The following TCF12 variants were observed in gnomAD, a reference collection of about 807,000 sequenced individuals.
TCF12 encodes DNA-binding protein HTF4.
TCF12 carries 45 observed loss-of-function variants against 86.0 expected under a neutral mutation model. The ratio of observed to expected loss-of-function variants is 0.52; its 90% CI spans 0.41 to 0.67. The LOEUF is 0.67. Ranked by LOEUF, TCF12 falls within the 30% of genes least tolerant of loss-of-function variation. TCF12 has a pLI of 0.00. For synonymous variants in TCF12, 330 were observed against 299.6 expected (o/e 1.10, Z -1.05); for missense variants, 881 against 859.9 (o/e 1.02, Z -0.31).
intron 4 of TCF12, among the ~76,000 whole-genome samples, chr15:57,075,806 C>CTTTCTT (rs59769575): frequency 0.032 from 2,174 of 67,278 alleles, 34 homozygotes; most frequent in East Asian, 0.051. Flanking sequence ...TTCTTTCTTT[C>CTTTCTT]TCTCTCTCTC....
chr15:57,262,744 C>T (rs1441211476), intron 17 of TCF12, among the ~76,000 whole-genome samples: 1 of 152,124 alleles, frequency 6.6e-6, no homozygotes, highest in African/African-American at 2.4e-5. Context: ...ACCATGATGC[C>T]TGTTTTACTG....
At chr15:57,005,314 T>C (rs2064291128) in intron 3 of TCF12, among the ~76,000 whole-genome samples, 1 of 152,228 alleles carries the variant, frequency 6.6e-6, no homozygotes, top group African/African-American at 2.4e-5. Flanking sequence ...AGAAGAATTC[T>C]AGTATTGCAT....
intron 14 of TCF12, 132 bp downstream of exon 14, chr15:57,251,555 A>T (rs1227350995): frequency 1.2e-6 from 1 of 858,784 alleles, no homozygotes; most frequent in Non-Finnish European, 1.9e-6. Flanking sequence ...TGGCTGATTC[A>T]TTTGAACAAT....
intron 3 of TCF12, among the ~76,000 whole-genome samples, chr15:57,007,173 T>C (rs1331173268): frequency 6.6e-6 from 1 of 152,164 alleles, no homozygotes; most frequent in Non-Finnish European, 1.5e-5. Flanking sequence ...TTAAAGAAAA[T>C]TAAGTATCCT....
intron 6 of TCF12, among the ~76,000 whole-genome samples, chr15:57,170,653 TATATAAAATATATATATATA>T (rs1567557401): frequency 1.2e-4 from 6 of 51,526 alleles, no homozygotes; most frequent in Admixed American, 8.9e-4. Context: ...ATATATATAT[TATATAAAATATATATATATA>T]TAATATATTA....
At chr15:57,239,893 A>G (rs544983431) in intron 12 of TCF12, among the ~76,000 whole-genome samples, 1 of 152,322 alleles carries the variant, frequency 6.6e-6, no homozygotes, top group Admixed American at 6.5e-5. Context: ...GATCCTGTCC[A>G]GATAGAAAAG....
chr15:56,934,399 AAG>A (rs1171433989), intron 3 of TCF12, among the ~76,000 whole-genome samples: 1 of 152,222 alleles, frequency 6.6e-6, no homozygotes, highest in Non-Finnish European at 1.5e-5. Context: ...AGACGATACA[AAG>A]AGGAGGTTAT....
chr15:57,277,061 C>G (rs565682290), intron 19 of TCF12, among the ~76,000 whole-genome samples: 1 of 152,118 alleles, frequency 6.6e-6, no homozygotes, highest in Admixed American at 6.5e-5. Flanking sequence ...CTACCTCAGC[C>G]TCTCAAAGTG....
intron 3 of TCF12, among the ~76,000 whole-genome samples, chr15:57,013,134 G>A (rs552294420): frequency 1.1e-3 from 166 of 152,074 alleles, no homozygotes; most frequent in Admixed American, 1.6e-3. Flanking sequence ...CTCAGATGGC[G>A]TGGCAGTGTG....
chr15:56,926,349 A>T (rs537633416), intron 3 of TCF12, among the ~76,000 whole-genome samples: 2 of 151,906 alleles, frequency 1.3e-5, no homozygotes, highest in South Asian at 2.1e-4. Context: ...TATTATTTTG[A>T]TGGGAAGTAA....
rs779091521 is a variant in TCF12, at chr15:57,251,258, T to C, written c.1115-92T>C. ...AAACAAAAATATTCATGTAAATTTA[T>C]TTAGTTATTGAGTATCTTTACCCTT... On this transcript the variant is annotated intron_variant, in intron 13 of 20. Transcript: ENST00000333725. 335 of 1,030,530 alleles carry C rather than the reference T, an allele frequency of 3.3e-4. 4 individuals are homozygous for C. The Middle Eastern group carries it at 6.7e-3, about 21-fold the overall frequency. The allele number at this position is 1,030,530 out of a possible 1,614,324, so 63.8% of individuals were successfully genotyped here.
At chr15:57,158,430 C>T (rs1182510898) in intron 5 of TCF12, among the ~76,000 whole-genome samples, 1 of 152,008 alleles carries the variant, frequency 6.6e-6, no homozygotes, top group Non-Finnish European at 1.5e-5. Flanking sequence ...TCCACAGCCT[C>T]AGCCTCTCAA....
At chr15:57,245,842 T>C (rs1223795232) in intron 13 of TCF12, among the ~76,000 whole-genome samples, 1 of 152,288 alleles carries the variant, frequency 6.6e-6, no homozygotes, top group African/African-American at 2.4e-5. Context: ...AAAAATACTT[T>C]CACATACTTG....
intron 5 of TCF12, among the ~76,000 whole-genome samples, chr15:57,157,980 C>T (rs1284851908): frequency 6.6e-6 from 1 of 152,034 alleles, no homozygotes; most frequent in African/African-American, 2.4e-5. Flanking sequence ...TTGAATTGTG[C>T]ATTTTAATGT....
Position 57,219,551 on chromosome 15 carries a change from G to C in TCF12, c.580-11601G>C, listed in dbSNP as rs199574564. On this transcript the variant is annotated intron_variant, in intron 8 of 20. Coordinates refer to ENST00000333725, the MANE Select transcript of TCF12 (RefSeq NM_207037.2). ...ATTGTGCTTATCCTGTCCCTGGAATGGGCAGCAATTCTTTGATGTATTACT... is the reference window on the plus strand; with the variant it reads ...ATTGTGCTTATCCTGTCCCTGGAATCGGCAGCAATTCTTTGATGTATTACT... 107 of 1,613,444 alleles carry C rather than the reference G, an allele frequency of 6.6e-5. No individual in the cohort carries two copies. The African/African-American group carries it at 1.3e-3, about 20-fold the overall frequency.
chr15:57,175,888 A>C (rs191869927), intron 6 of TCF12, among the ~76,000 whole-genome samples: 83 of 152,332 alleles, frequency 5.4e-4, no homozygotes, highest in African/African-American at 1.9e-3. Flanking sequence ...TTTTAAAAAG[A>C]AATGTTGTCA....
intron 8 of TCF12, among the ~76,000 whole-genome samples, chr15:57,229,826 A>G (rs1160485303): frequency 6.6e-6 from 1 of 151,934 alleles, no homozygotes; most frequent in African/African-American, 2.4e-5. Flanking sequence ...CCATTTTACA[A>G]AAGAGGGAAT....
intron 6 of TCF12, among the ~76,000 whole-genome samples, chr15:57,182,654 A>G (rs1054275823): frequency 6.6e-5 from 10 of 152,272 alleles, no homozygotes; most frequent in African/African-American, 1.4e-4. Context: ...CTTTTTTGGC[A>G]TTAATATTCA....
chr15:56,970,864 A>G (rs1282562533), intron 3 of TCF12, among the ~76,000 whole-genome samples: 2 of 151,490 alleles, frequency 1.3e-5, no homozygotes, highest in Non-Finnish European at 2.9e-5. Context: ...AGCCTGGGCA[A>G]CATAGGGAGA....
Sources: allele counts gnomAD v4.1 joint callset (sites outside exome capture counted in the v4.1 genomes callset), GRCh38; gene constraint gnomAD v4.1.1; transcripts MANE v1.5; gene names NCBI Gene and HGNC (gene_info 2026-07-23, HGNC 2026-07-21).